ARHGEF37: variants seen among roughly 807,000 people sequenced by gnomAD.
The protein encoded by ARHGEF37 is Rho guanine nucleotide exchange factor 37, also known as Rho guanine nucleotide exchange factor (GEF) 37.
Under a neutral mutation model 71.1 loss-of-function variants are expected in ARHGEF37, and 55 were observed. The ratio of observed to expected loss-of-function variants is 0.77; its 90% CI spans 0.62 to 0.97. ARHGEF37 has a LOEUF of 0.97. Ranked by LOEUF, ARHGEF37 falls within the 50% of genes least tolerant of loss-of-function variation. The pLI, the probability that ARHGEF37 is intolerant of heterozygous loss-of-function variation, is 0.00. For missense variants in ARHGEF37, 765 were observed against 836.8 expected (o/e 0.91, Z 1.06); for synonymous variants, 327 against 350.6 (o/e 0.93, Z 0.75).
chr5:149,615,566 A>G (rs1409579869), intron 4 of ARHGEF37, among the ~76,000 whole-genome samples: 1 of 152,076 alleles, frequency 6.6e-6, no homozygotes, highest in Admixed American at 6.6e-5. Context: ...CTTTAAATAA[A>G]TCTCTAAAAA....
chr5:149,627,424 A>G (rs1173974614), intron 11 of ARHGEF37, among the ~76,000 whole-genome samples, 153 bp downstream of exon 11: 1 of 152,234 alleles, frequency 6.6e-6, no homozygotes, highest in African/African-American at 2.4e-5. Context: ...CTCAGGGCAC[A>G]GTCAGTTTAG....
At chr5:149,603,176 G>A (rs766481247) in intron 3 of ARHGEF37, among the ~76,000 whole-genome samples, 17 of 152,106 alleles carry the variant, frequency 1.1e-4, no homozygotes, top group African/African-American at 1.9e-4. Context: ...CAGGTGATCC[G>A]CCCACCTCAG....
intron 1 of ARHGEF37, among the ~76,000 whole-genome samples, chr5:149,558,723 GTGTGTGTGTGTGTGTA>G (rs879505242): frequency 0.035 from 4,838 of 137,144 alleles, 113 homozygotes; most frequent in African/African-American, 0.061. Flanking sequence ...GTGTGTGTGT[GTGTGTGTGTGTGTGTA>G]TATATATTTT....
At chr5:149,623,525 C>T (rs1017298862) in intron 9 of ARHGEF37, among the ~76,000 whole-genome samples, 3 of 152,330 alleles carry the variant, frequency 2.0e-5, no homozygotes, top group Admixed American at 6.5e-5. Context: ...CCCCCAACCC[C>T]TTGCATTAAA....
chr5:149,618,356 A>C, intron 6 of ARHGEF37, 50 bp downstream of exon 6: 1 of 1,612,178 alleles, frequency 6.2e-7, no homozygotes, highest in Non-Finnish European at 8.5e-7. Context: ...CCCCAAGGCC[A>C]GGCCCTGCAC....
At position 149,632,331 on chromosome 5, in the gene ARHGEF37, C is replaced by T; in HGVS notation, c.*140C>T. ...TGGGTGAAGCACACTCAGGAGGCAG[C>T]CAGAAGACATGGGCGGGCCTCGCAG... On this transcript the variant is annotated 3_prime_UTR_variant, in exon 13 of 13. Coordinates refer to ENST00000333677, the MANE Select transcript of ARHGEF37 (RefSeq NM_001001669.3). 2.1e-6 allele frequency: 2 copies of T among 943,612 alleles called. No individual in the cohort carries two copies. Among genetic ancestry groups the T allele is most frequent in the Non-Finnish European group, 3.1e-6 (2 of 641,060 alleles). The allele number at this position is 943,612 out of a possible 1,614,324, so 58.5% of individuals were successfully genotyped here.
At chr5:149,606,376 G>A (rs1036474290) in intron 3 of ARHGEF37, among the ~76,000 whole-genome samples, 4 of 152,122 alleles carry the variant, frequency 2.6e-5, no homozygotes, top group African/African-American at 9.7e-5. Flanking sequence ...TAGGCCCTGG[G>A]ACTGCGATCT....
At position 149,627,248 on chromosome 5, in the gene ARHGEF37, G is replaced by A. The variant is rs745325357; in HGVS notation, c.1637G>A (p.Gly546Asp). Residue 546 changes from glycine to aspartate, a missense_variant, in exon 11 of 13, where the codon GGC (glycine) becomes GAC (aspartate). By Grantham distance (94) the Gly-to-Asp change is moderately conservative (BLOSUM62 -1). This residue lies in a region of ARHGEF37 where 390 missense variants were observed against 407.4 expected (regional missense o/e 0.96). Transcript: ENST00000333677. ...LQNKDTKGNS[G>D]RWLVDTGGHR... ...AACAAGGACACCAAAGGCAACAGCG[G>A]CCGCTGGCTGGTGGACACCGGGGGT... 5 of 1,613,822 alleles carry A rather than the reference G, an allele frequency of 3.1e-6. No individual in the cohort carries two copies. Among genetic ancestry groups the A allele is most frequent in the Admixed American group, 3.3e-5 (2 of 60,020 alleles).
chr5:149,570,563 C>T (rs1486731416), intron 1 of ARHGEF37, among the ~76,000 whole-genome samples: 4 of 126,894 alleles, frequency 3.2e-5, no homozygotes, highest in Non-Finnish European at 4.8e-5. Context: ...ACAACAAGTG[C>T]GAAACTCCGC....
At chr5:149,576,932 G>A (rs1229151856), upstream of ARHGEF37, among the ~76,000 whole-genome samples, 3 of 147,706 alleles carry the variant, frequency 2.0e-5, no homozygotes, top group African/African-American at 7.3e-5. Flanking sequence ...CTCCAGACTG[G>A]GCAACAGAGT....
At chr5:149,584,028 G>T (rs1053198950) in intron 1 of ARHGEF37, among the ~76,000 whole-genome samples, 5 of 152,084 alleles carry the variant, frequency 3.3e-5, no homozygotes, top group Middle Eastern at 3.2e-3. Flanking sequence ...CCAAAGTGCT[G>T]GGATTACAGG....
rs1443961278 is a variant in ARHGEF37 at position 149,597,915 on chromosome 5, T to A, written c.146T>A (p.Leu49His). 1 of 1,605,066 alleles carries A rather than the reference T, an allele frequency of 6.2e-7. No individual in the cohort carries two copies. Among genetic ancestry groups the A allele is most frequent in the South Asian group, 1.1e-5 (1 of 89,170 alleles). Reference protein sequence around the residue: ...IDTEVSYLHMLQLCASDIRSR... With the variant: ...IDTEVSYLHMHQLCASDIRSR... The stretch of plus-strand genomic sequence containing the variant: ...ACTGAGGTCTCCTACTTGCACATGC[T>A]CCAGCTCTGTGCCTCTGACATCAGG... The change falls in exon 2 of 13, where the codon CTC becomes CAC. Residue 49 changes from leucine to histidine, a missense_variant. This residue lies in a region of ARHGEF37 where 201 missense variants were observed against 217.5 expected (regional missense o/e 0.92). Transcript: ENST00000333677.
intron 12 of ARHGEF37, among the ~76,000 whole-genome samples, chr5:149,629,508 G>A (rs1435493909): frequency 6.6e-6 from 1 of 152,200 alleles, no homozygotes; most frequent in Non-Finnish European, 1.5e-5. Context: ...ATTGGATAAA[G>A]AGGGTGTACT....
At chr5:149,582,079 G>T (rs1763121028) in intron 1 of ARHGEF37, among the ~76,000 whole-genome samples, 1 of 152,244 alleles carries the variant, frequency 6.6e-6, no homozygotes, top group Non-Finnish European at 1.5e-5. Flanking sequence ...ATCCATAGGT[G>T]AGGTGACTTG....
In ARHGEF37 at chr5:149,622,017, C is replaced by A; in HGVS notation, c.1290C>A (p.Asp430Glu). 1.2e-6 allele frequency: 2 copies of A among 1,613,886 alleles called. No individual in the cohort carries two copies. Among genetic ancestry groups the A allele is most frequent in the Non-Finnish European group, 1.7e-6 (2 of 1,179,854 alleles). Residue 430 changes from aspartate (D) to glutamate (E), a missense_variant, in exon 9 of 13, where the codon GAC becomes GAA. This residue lies in a region of ARHGEF37 where 390 missense variants were observed against 407.4 expected (regional missense o/e 0.96). Transcript: ENST00000333677. ...IMCTFVTLQR[D>E]LAKQVLQRAE... The stretch of plus-strand genomic sequence containing the variant: ...GCACATTCGTGACCCTCCAGAGGGA[C>A]CTTGCAAAGCAAGTGCTGCAGAGGG...
chr5:149,560,970 GTAGT>G (rs1180484328), intron 1 of ARHGEF37, among the ~76,000 whole-genome samples: 1 of 151,828 alleles, frequency 6.6e-6, no homozygotes, highest in Non-Finnish European at 1.5e-5. Flanking sequence ...CAATAGATAG[GTAGT>G]TAGAAATTAG....
At chr5:149,580,780 G>A (rs1580888707), upstream of ARHGEF37, among the ~76,000 whole-genome samples, 1 of 152,174 alleles carries the variant, frequency 6.6e-6, no homozygotes, top group Admixed American at 6.5e-5. Flanking sequence ...AATAAAAGAA[G>A]TGGCAGAATG....
At position 149,559,000 on chromosome 5, in the gene ARHGEF37, G is replaced by C. The variant is rs1762792868; in HGVS notation, c.-12+6877G>C. On this transcript the variant is annotated intron_variant, in intron 1 of 2. Transcript: ENST00000505810. ...CGAGACCTTGTCCCAAAAAATATAA[G>C]TACGTATTTTATTTTTCATTTCTTA... is the stretch of plus-strand genomic sequence containing the variant. Among the ~76,000 whole-genome samples the C allele has an allele frequency of 2.6e-5, 4 of 152,130 alleles. No individual in the cohort carries two copies. In the South Asian group the frequency reaches 8.3e-4, roughly 32 times the overall value.
chr5:149,565,736 A>C (rs1444684331), intron 1 of ARHGEF37, among the ~76,000 whole-genome samples: 1 of 150,470 alleles, frequency 6.6e-6, no homozygotes, highest in African/African-American at 2.4e-5. Context: ...AGACTATACT[A>C]CTGATCAGAC....
Sources: allele counts gnomAD v4.1 joint callset (sites outside exome capture counted in the v4.1 genomes callset), GRCh38; gene constraint gnomAD v4.1.1; regional missense constraint gnomAD v4.1.1; transcripts MANE v1.5; gene names NCBI Gene and HGNC (gene_info 2026-07-23, HGNC 2026-07-21).